PPP4C: variants seen among roughly 807,000 people sequenced by gnomAD.
The protein encoded by PPP4C is protein phosphatase 4 catalytic subunit.
In PPP4C, 10 loss-of-function variants were observed where a neutral mutation model predicts 40.5. That is an observed-to-expected ratio of 0.25 (90% CI 0.15 to 0.42). The LOEUF is 0.42. PPP4C is among the 10% of genes least tolerant of loss of function. PPP4C has a pLI of 1.00. For synonymous variants in PPP4C, 187 were observed against 163.6 expected (o/e 1.14, Z -1.09); for missense variants, 191 against 416.4 (o/e 0.46, Z 4.71).
chr16:30,082,590 G>C, intron 4 of PPP4C, 56 bp downstream of exon 4: 2 of 1,588,118 alleles, frequency 1.3e-6, no homozygotes, highest in Non-Finnish European at 1.7e-6. Flanking sequence ...GAAGACCCCT[G>C]TAATTGAGGG....
At chr16:30,081,530 A>T (rs2072506028) in intron 3 of PPP4C, 1 of 433,310 alleles carries the variant, frequency 2.3e-6, no homozygotes, top group Non-Finnish European at 4.2e-6. Context: ...ACATCACTTG[A>T]GGTTAGGAGT....
At chr16:30,078,651 A>G (rs1032199645) in intron 2 of PPP4C, among the ~76,000 whole-genome samples, 1 of 152,232 alleles carries the variant, frequency 6.6e-6, no homozygotes, top group African/African-American at 2.4e-5. Context: ...GGGCACAGAC[A>G]TGCAGATGAA....
intron 1 of PPP4C, 48 bp from the exon 2 acceptor site, chr16:30,076,267 G>A (rs934313865): frequency 2.3e-5 from 26 of 1,118,832 alleles, no homozygotes; most frequent in African/African-American, 3.1e-5. Flanking sequence ...TGTCCGCTCC[G>A]AGCCCCGGAC....
At chr16:30,082,702 AG>A in intron 4 of PPP4C, 43 bp from the exon 5 acceptor site, 1 of 1,569,716 alleles carries the variant, frequency 6.4e-7, no homozygotes, top group South Asian at 1.1e-5. Context: ...GGTAGGGGGT[AG>A]GGGACTGTTT....
In PPP4C at chr16:30,083,191, G is replaced by A; in HGVS notation, c.304-203G>A. 1 of 649,432 alleles carries A rather than the reference G, an allele frequency of 1.5e-6. No homozygotes were observed. The highest frequency in any genetic ancestry group is 2.7e-6 in the Non-Finnish European group (1 of 374,370). The allele number at this position is 649,432 out of a possible 1,614,324, so 40.2% of individuals were successfully genotyped here. ...AAGAAGAGCCATTAGGTTCATAGTT[G>A]AGGGAATGGGTCAGCTTTACATTCT... is the stretch of plus-strand genomic sequence containing the variant. On this transcript the variant is annotated intron_variant, in intron 5 of 8. Transcript: ENST00000279387. This position sits in a 1 kb window ranked among gnomAD's most constrained non-coding sequence, Gnocchi z 6.3.
In PPP4C at chr16:30,083,894, C is replaced by T; in HGVS notation, c.604+113C>T. On this transcript the variant is annotated intron_variant, in intron 7 of 8. Coordinates refer to ENST00000279387, the MANE Select transcript of PPP4C (RefSeq NM_002720.3). This position sits in a 1 kb window ranked among gnomAD's most constrained non-coding sequence, Gnocchi z 6.3. ...CCTCCACCTGCCAAATGGCTGGAACCCTGGAGGAGGAGCAGGGAGGCCTGC... is the reference window on the plus strand; with the variant it reads ...CCTCCACCTGCCAAATGGCTGGAACTCTGGAGGAGGAGCAGGGAGGCCTGC... The T allele has an allele frequency of 6.7e-7, 1 of 1,494,074 alleles. No individual in the cohort carries two copies. Among genetic ancestry groups the T allele is most frequent in the Non-Finnish European group, 9.1e-7 (1 of 1,099,336 alleles). The allele number at this position is 1,494,074 out of a possible 1,614,324, so 92.6% of individuals were successfully genotyped here. A position where few individuals can be genotyped will look rare whatever the true frequency, so the allele number is the denominator to read the frequency against.
At chr16:30,084,890 A>G (rs1170218433) in intron 8 of PPP4C, 35 bp downstream of exon 8, 1 of 1,613,764 alleles carries the variant, frequency 6.2e-7, no homozygotes, top group Non-Finnish European at 8.5e-7. Flanking sequence ...ATGGGCGGGC[A>G]TCTGAGCCGA....
chr16:30,082,920 T>C, intron 5 of PPP4C, 73 bp downstream of exon 5: 1 of 1,293,782 alleles, frequency 7.7e-7, no homozygotes, highest in Non-Finnish European at 1.1e-6. Flanking sequence ...CGTTCCGCCC[T>C]CATCTCCTAT....
Position 30,084,752 on chromosome 16 carries a change from A to C in PPP4C, c.691A>C (p.Ile231Leu). The change falls in exon 8 of 9, where the codon ATT (isoleucine) becomes CTT (leucine). Residue 231 changes from isoleucine to leucine, a missense_variant. By Grantham distance (5) the Ile-to-Leu change is conservative (BLOSUM62 2). Transcript: ENST00000279387. The part of the protein sequence containing the change: ...VVAQFNAAND[I>L]DMICRAHQLV... The stretch of plus-strand genomic sequence containing the variant: ...GGCCCAGTTCAACGCAGCCAATGAC[A>C]TTGACATGATCTGCCGTGCCCACCA... 1 of 1,614,224 alleles carries C rather than the reference A, an allele frequency of 6.2e-7. No homozygotes were observed. Among genetic ancestry groups the C allele is most frequent in the South Asian group, 1.1e-5 (1 of 91,088 alleles).
chr16:30,082,066 AAG>A (rs1567335037), intron 3 of PPP4C, among the ~76,000 whole-genome samples: 1 of 71,384 alleles, frequency 1.4e-5, no homozygotes. Flanking sequence ...AAAAAAAAAA[AAG>A]AAAGGAAAGA....
intron 3 of PPP4C, among the ~76,000 whole-genome samples, 172 bp from the exon 4 acceptor site, chr16:30,082,312 G>T (rs768735695): frequency 2.0e-5 from 3 of 152,224 alleles, no homozygotes; most frequent in African/African-American, 7.2e-5. Flanking sequence ...GCATAGGACA[G>T]TGGGTATGGT....
chr16:30,084,679 G>A lies in PPP4C; in HGVS notation c.618G>A (p.Trp206Ter). Residue 206 changes from tryptophan to a stop codon, truncating the protein, a stop_gained, in exon 8 of 9, where the codon TGG becomes TGA. Transcript: ENST00000279387. LOFTEE classifies it high-confidence loss of function. ...TTTCCGCATCAGACACCACAGGCTG[G>A]GGCGTGAGCCCCCGAGGAGCCGGCT... ...LWSDPEDTTG[W>*]GVSPRGAGYL... is the part of the protein sequence containing the mutation. The A allele has an allele frequency of 6.2e-7, 1 of 1,614,202 alleles. No individual in the cohort carries two copies. Among genetic ancestry groups the A allele is most frequent in the Non-Finnish European group, 8.5e-7 (1 of 1,180,012 alleles).
At chr16:30,084,544 C>T in intron 7 of PPP4C, 122 bp from the exon 8 acceptor site, 1 of 847,926 alleles carries the variant, frequency 1.2e-6, no homozygotes, top group Non-Finnish European at 1.9e-6. Context: ...AGGCCCCATG[C>T]TCTGGTCCCA....
intron 3 of PPP4C, among the ~76,000 whole-genome samples, chr16:30,082,156 C>T (rs1200133618): frequency 6.6e-6 from 1 of 152,026 alleles, no homozygotes; most frequent in Admixed American, 6.5e-5. Context: ...TCCTATTTGG[C>T]GAGTGATTCT....
At chr16:30,081,214 T>C in intron 2 of PPP4C, 45 bp from the exon 3 acceptor site, 1 of 1,612,512 alleles carries the variant, frequency 6.2e-7, no homozygotes, top group Non-Finnish European at 8.5e-7. Flanking sequence ...GGAATTGGGC[T>C]GGGCTGGCCT....
Position 30,083,832 on chromosome 16 carries a change from AAG to A in PPP4C, c.604+56_604+57del, listed in dbSNP as rs752769554. On this transcript the variant is annotated intron_variant, in intron 7 of 8. Transcript: ENST00000279387. This position sits in a 1 kb window ranked among gnomAD's most constrained non-coding sequence, Gnocchi z 6.3. ...CAGGGACAGCCAGGAGGGGTTGGGA[AAG>A]AGAGGGAGCAGGGCTGGTCTTCACT... 22 of 1,606,168 alleles carry A rather than the reference AAG, an allele frequency of 1.4e-5. No individual in the cohort carries two copies. The highest frequency in any genetic ancestry group is 1.6e-4 in the Middle Eastern group (1 of 6,066).
rs2151028615 is a variant in PPP4C at position 30,083,892 on chromosome 16, AC to A, written c.604+114del. The A allele has an allele frequency of 6.7e-7, 1 of 1,499,774 alleles. No individual in the cohort carries two copies. The highest frequency in any genetic ancestry group is 1.4e-5 in the African/African-American group (1 of 73,146). 92.9% of individuals were successfully genotyped at this position (1,499,774 alleles called of 1,614,324 possible). On this transcript the variant is annotated intron_variant, in intron 7 of 8. Coordinates refer to ENST00000279387, the MANE Select transcript of PPP4C (RefSeq NM_002720.3). The surrounding 1 kb of genome is among the most constrained non-coding windows in gnomAD (Gnocchi z 6.3). ...GTCCTCCACCTGCCAAATGGCTGGA[AC>A]CCTGGAGGAGGAGCAGGGAGGCCTG... is the stretch of plus-strand genomic sequence containing the variant.
In PPP4C at chr16:30,083,232, G is replaced by A; in HGVS notation, c.304-162G>A. The A allele has an allele frequency of 1.3e-6, 1 of 777,746 alleles. No individual in the cohort carries two copies. Among genetic ancestry groups the A allele is most frequent in the East Asian group, 2.5e-5 (1 of 40,646 alleles). 48.2% of individuals were successfully genotyped at this position (777,746 alleles called of 1,614,324 possible). A position where few individuals can be genotyped will look rare whatever the true frequency, so the allele number is the denominator to read the frequency against. The stretch of plus-strand genomic sequence containing the variant: ...TTTACATTCTCTGGAGGGGTCGTGT[G>A]GGCCTGGGAGGTGGCTGATGCCACA... On this transcript the variant is annotated intron_variant, in intron 5 of 8. Coordinates refer to ENST00000279387, the MANE Select transcript of PPP4C (RefSeq NM_002720.3). This position sits in a 1 kb window ranked among gnomAD's most constrained non-coding sequence, Gnocchi z 6.3.
chr16:30,076,759 G>A (rs2072409737), intron 2 of PPP4C, among the ~76,000 whole-genome samples: 1 of 152,218 alleles, frequency 6.6e-6, no homozygotes, highest in Non-Finnish European at 1.5e-5. Context: ...GGGGACGGAA[G>A]CTTGTTGGAG....
Sources: gnomAD v4.1 joint callset for allele counts (sites outside exome capture counted in the v4.1 genomes callset) on GRCh38, gnomAD v4.1.1 for gene constraint, Gnocchi (gnomAD v3.1) non-coding constraint, MANE v1.5 for transcripts, NCBI Gene and HGNC (gene_info 2026-07-23, HGNC 2026-07-21) for gene names.